The following EEF2K variants were observed in gnomAD, a reference collection of about 807,000 sequenced individuals.
EEF2K encodes the protein alternative protein EEF2K.
Under a neutral mutation model 93.8 loss-of-function variants are expected in EEF2K, and 70 were observed. The ratio of observed to expected loss-of-function variants is 0.75; its 90% confidence interval spans 0.62 to 0.91. The LOEUF is 0.91. EEF2K is among the 40% of genes least tolerant of loss of function. The probability of loss-of-function intolerance (pLI) is 0.00; values close to 1 mark genes in which losing one functional copy is unlikely to be tolerated. For missense variants in EEF2K, 935 were observed against 972.9 expected, an observed-to-expected ratio of 0.96 and a Z score of 0.52; for synonymous variants, 376 against 380.8, an observed-to-expected ratio of 0.99 and a Z score of 0.15.
At chr16:22,241,653 A>C (rs1168621276) in intron 2 of EEF2K, among the ~76,000 whole-genome samples, 1 of 151,504 alleles carries the variant, frequency 6.6e-6, no homozygotes, top group Non-Finnish European at 1.5e-5. Flanking sequence ...AAAAAAAAAA[A>C]AAAAAAAAAC....
intron 1 of EEF2K, among the ~76,000 whole-genome samples, chr16:22,222,980 A>G (rs922882761): frequency 6.6e-6 from 1 of 152,080 alleles, no homozygotes; most frequent in African/African-American, 2.4e-5. Context: ...CCCCATACCC[A>G]TTAGCAATCA....
At position 22,288,054 on chromosome 16, in the gene EEF2K, T is replaced by G. The variant is rs1000219165; in HGVS notation, c.*4058T>G. 8 of 151,694 alleles carry G rather than the reference T, an allele frequency of 5.3e-5. No homozygotes were observed. Among genetic ancestry groups the G allele is most frequent in the African/African-American group, 1.9e-4 (8 of 41,166 alleles). The allele number at this position is 151,694 out of a possible 1,614,324, so 9.4% of individuals were successfully genotyped here. A position where few individuals can be genotyped will look rare whatever the true frequency, so the allele number is the denominator to read the frequency against. On this transcript the variant is annotated 3_prime_UTR_variant, in exon 18 of 18. Coordinates refer to ENST00000263026, the MANE Select transcript of EEF2K (RefSeq NM_013302.5). Reference sequence around the variant, plus strand: ...GCCCAGATTCAAGTGCAATGGCACGTTTTGGCTCACTGCAACCTCTGCCTC... The same window carrying G: ...GCCCAGATTCAAGTGCAATGGCACGGTTTGGCTCACTGCAACCTCTGCCTC...
At chr16:22,264,222 G>A (rs1221768068) in intron 12 of EEF2K, among the ~76,000 whole-genome samples, 1 of 150,034 alleles carries the variant, frequency 6.7e-6, no homozygotes, top group Non-Finnish European at 1.5e-5. Context: ...AGCCTGGGAG[G>A]TGGAGGTTGC....
intron 6 of EEF2K, 42 bp from the exon 7 acceptor site, chr16:22,256,706 C>A: frequency 1.3e-6 from 2 of 1,596,512 alleles, no homozygotes; most frequent in Non-Finnish European, 1.7e-6. Context: ...AGAGGAGGTG[C>A]GCCTGGGCCC....
chr16:22,240,419 C>G (rs1312145147), intron 2 of EEF2K, among the ~76,000 whole-genome samples: 1 of 152,082 alleles, frequency 6.6e-6, no homozygotes, highest in Non-Finnish European at 1.5e-5. Context: ...TGGCAGAGAA[C>G]TCAGTCATTT....
At chr16:22,228,571 G>A (rs929379690) in intron 2 of EEF2K, among the ~76,000 whole-genome samples, 1 of 152,236 alleles carries the variant, frequency 6.6e-6, no homozygotes, top group Non-Finnish European at 1.5e-5. Context: ...TACCCGGGCC[G>A]ACAGCAGGCC....
At chr16:22,213,677 G>A (rs2046935613) in intron 1 of EEF2K, among the ~76,000 whole-genome samples, 2 of 152,186 alleles carry the variant, frequency 1.3e-5, no homozygotes, top group African/African-American at 4.8e-5. Flanking sequence ...TCCTTCTGGA[G>A]GCCCCAGGAG....
intron 1 of EEF2K, among the ~76,000 whole-genome samples, chr16:22,208,536 T>TA (rs1485371723): frequency 6.6e-6 from 1 of 151,966 alleles, no homozygotes; most frequent in Non-Finnish European, 1.5e-5. Flanking sequence ...TCTCAAAAAA[T>TA]AAAAAAGATC....
chr16:22,260,427 G>C, intron 10 of EEF2K, 35 bp from the exon 11 acceptor site: 1 of 1,613,718 alleles, frequency 6.2e-7, no homozygotes, highest in Non-Finnish European at 8.5e-7. Context: ...TCCAGTAGTG[G>C]AACCAGGACA....
intron 3 of EEF2K, among the ~76,000 whole-genome samples, chr16:22,245,911 C>T (rs56940811): frequency 0.08 from 12,203 of 152,106 alleles, 767 homozygotes; most frequent in East Asian, 0.3. Context: ...AGCAGATGTG[C>T]GTCTAATTCT....
chr16:22,246,856 G>GATGAAACCCCATCTCTACTAAAA, intron 3 of EEF2K, among the ~76,000 whole-genome samples: 1 of 151,452 alleles, frequency 6.6e-6, no homozygotes, highest in African/African-American at 2.4e-5. Flanking sequence ...TGGCCAATGT[G>GATGAAACCCCATCTCTACTAAAA]ATGAAACCCC....
intron 7 of EEF2K, 30 bp downstream of exon 7, chr16:22,256,927 C>T (rs1473118364): frequency 1.9e-6 from 3 of 1,611,184 alleles, no homozygotes; most frequent in African/African-American, 1.3e-5. Flanking sequence ...CACCCTCTGC[C>T]CACCACAGCC....
At chr16:22,274,050 A>G (rs2047611186) in intron 16 of EEF2K, among the ~76,000 whole-genome samples, 1 of 152,194 alleles carries the variant, frequency 6.6e-6, no homozygotes, top group Non-Finnish European at 1.5e-5. Context: ...TCATGCCTGT[A>G]ATCCCAGTAC....
At chr16:22,218,378 T>C (rs541077474) in intron 1 of EEF2K, among the ~76,000 whole-genome samples, 30 of 152,198 alleles carry the variant, frequency 2.0e-4, no homozygotes, top group Non-Finnish European at 4.0e-4. Flanking sequence ...GGCTTTGGGA[T>C]GCTGGTTCCC....
rs1598192087 is a variant in EEF2K, at chr16:22,257,022, G to A, written c.768+125G>A. 6.1e-6 allele frequency: 9 copies of A among 1,474,296 alleles called. No homozygotes were observed. The East Asian group carries it at 2.1e-4, about 34-fold the overall frequency. The allele number at this position is 1,474,296 out of a possible 1,614,324, so 91.3% of individuals were successfully genotyped here. ...AGTCTCACCCCCAGAGAAGCCTCTT[G>A]GAGCATTCAGAAGGAGACCCGTCAC... On this transcript the variant is annotated intron_variant, in intron 7 of 17. Transcript: ENST00000263026.
intron 13 of EEF2K, chr16:22,265,100 G>T (rs549162948): frequency 1.9e-6 from 1 of 513,482 alleles, no homozygotes; most frequent in Non-Finnish European, 3.5e-6. Flanking sequence ...GAGCAGCTCA[G>T]CCCCATCCTG....
In EEF2K at chr16:22,226,517, C is replaced by CTTTTTTTTTTTTTTTTT. The variant is rs553013823; in HGVS notation, c.246+557_246+558insTTTTTTTTTTTTTTTTT. 4.9e-4 allele frequency among the ~76,000 whole-genome samples: 52 copies of CTTTTTTTTTTTTTTTTT among 106,852 alleles called. 2 individuals are homozygous for CTTTTTTTTTTTTTTTTT. The highest frequency in any genetic ancestry group is 1.8e-3 in the African/African-American group (42 of 23,634). 70.1% of individuals were successfully genotyped at this position (106,852 alleles called of 152,430 possible). On this transcript the variant is annotated intron_variant, in intron 2 of 17. Coordinates refer to ENST00000263026, the MANE Select transcript of EEF2K (RefSeq NM_013302.5). Reference sequence around the variant, plus strand: ...CTTTTTCTTTCTTTTCCTTCTTCTTCTTTTTTTTTTTTTTTATAAACGTGG... The same window carrying CTTTTTTTTTTTTTTTTT: ...CTTTTTCTTTCTTTTCCTTCTTCTTCTTTTTTTTTTTTTTTTTTTTTTTTTTTTTTTTATAAACGTGG...
At chr16:22,248,941 T>C (rs1221929092) in intron 4 of EEF2K, 126 bp downstream of exon 4, 1 of 990,190 alleles carries the variant, frequency 1.0e-6, no homozygotes, top group Non-Finnish European at 1.5e-6. Flanking sequence ...GGGGATTCTT[T>C]GTTATTGTTT....
intron 2 of EEF2K, among the ~76,000 whole-genome samples, chr16:22,244,269 T>TTGTGTGTGTGTG (rs200282636): frequency 6.4e-5 from 9 of 140,058 alleles, no homozygotes; most frequent in East Asian, 2.1e-4. Flanking sequence ...TATATATGTA[T>TTGTGTGTGTGTG]TGTGTGTGTG....
Sources: gnomAD v4.1 joint callset for allele counts (sites outside exome capture counted in the v4.1 genomes callset) on GRCh38, gnomAD v4.1.1 for gene constraint, MANE v1.5 for transcripts, NCBI Gene and HGNC (gene_info 2026-07-23, HGNC 2026-07-21) for gene names.